AK6: variants seen among roughly 807,000 people sequenced by gnomAD.
AK6 encodes the protein adenylate kinase 6, also known as adenylate kinase isoenzyme 6.
In AK6, 24 loss-of-function variants were observed where a neutral mutation model predicts 23.7. That is an observed-to-expected ratio of 1.01 (90% CI 0.73 to 1.43). The LOEUF (loss-of-function observed/expected upper bound fraction) is 1.43. Among genes scored for constraint, AK6 ranks in the 40% most tolerant of loss-of-function variants. AK6 has a pLI of 0.00. For missense variants in AK6, 191 were observed against 199.1 expected (o/e 0.96, Z 0.24); for synonymous variants, 73 against 69.8 (o/e 1.05, Z -0.23).
At chr5:69,364,882 G>T in intron 2 of AK6, 2 of 1,447,186 alleles carry the variant, frequency 1.4e-6, no homozygotes, top group Non-Finnish European at 1.9e-6. Flanking sequence ...CAGCATGCAT[G>T]TTTAATATCA....
In AK6 at chr5:69,365,369, T is replaced by C. The variant is rs949181151; in HGVS notation, c.121+1134A>G. 3.7e-6 allele frequency: 6 copies of C among 1,614,102 alleles called. No individual in the cohort carries two copies. In the African/African-American group the frequency reaches 6.7e-5, roughly 18 times the overall value. ...AAGATTTCAGCCTATAGTTTGGAGC[T>C]GTTAAGCAGTATCTATCAGGTGGCA... On this transcript the variant is annotated intron_variant, in intron 2 of 4. Coordinates refer to ENST00000380822, the MANE Select transcript of AK6 (RefSeq NM_016283.5).
chr5:69,359,401 T>A (rs182578035), intron 2 of AK6, among the ~76,000 whole-genome samples: 1 of 152,080 alleles, frequency 6.6e-6, no homozygotes, highest in Non-Finnish European at 1.5e-5. Flanking sequence ...CCCGCCACCA[T>A]GCCTGGCTAA....
intron 2 of AK6, chr5:69,365,259 G>A (rs1762370349): frequency 6.2e-7 from 1 of 1,614,028 alleles, no homozygotes; most frequent in Admixed American, 1.7e-5. Context: ...GCCTAGTGTG[G>A]GAGTACTTGG....
At chr5:69,364,423 G>A (rs1051013039) in intron 2 of AK6, among the ~76,000 whole-genome samples, 1 of 152,036 alleles carries the variant, frequency 6.6e-6, no homozygotes, top group East Asian at 1.9e-4. Flanking sequence ...ACAGAAAAAT[G>A]GGACCTAGGA....
Position 69,366,471 on chromosome 5 carries a change from C to T in AK6, c.121+32G>A, listed in dbSNP as rs755634614. ...CACTTACCAGACCTTAAAAAAAAAA[C>T]AAAACAAATCTAACACCAAAGTGTC... On this transcript the variant is annotated intron_variant, in intron 2 of 4. Transcript: ENST00000380822. The T allele has an allele frequency of 3.2e-6, 5 of 1,545,326 alleles. No homozygotes were observed. The South Asian group carries it at 4.5e-5, about 14-fold the overall frequency.
intron 2 of AK6, chr5:69,365,453 A>G: frequency 6.2e-7 from 1 of 1,614,200 alleles, no homozygotes. Context: ...TTTGCCTTGC[A>G]ATATCTAATA....
intron 1 of AK6, 148 bp downstream of exon 1, chr5:69,369,315 G>T: frequency 1.7e-6 from 1 of 596,484 alleles, no homozygotes; most frequent in Non-Finnish European, 2.3e-6. Context: ...CGCGAGGGTC[G>T]GCTCCCGGGG....
chr5:69,354,225 A>C (rs188549324), intron 4 of AK6, among the ~76,000 whole-genome samples: 3 of 152,312 alleles, frequency 2.0e-5, no homozygotes, highest in Admixed American at 6.5e-5. Flanking sequence ...TTTAATCAAA[A>C]TTTTAAATTG....
chr5:69,369,404 A>G (rs2150749665), intron 1 of AK6, 59 bp downstream of exon 1: 1 of 1,592,354 alleles, frequency 6.3e-7, no homozygotes. Context: ...CCCGATGCCC[A>G]GAGCACTCTG....
chr5:69,352,744 C>T (rs905161942), intron 4 of AK6, among the ~76,000 whole-genome samples: 10 of 152,100 alleles, frequency 6.6e-5, no homozygotes, highest in African/African-American at 2.4e-4. Context: ...AAAATATGAA[C>T]AATAACAGCT....
In AK6 at chr5:69,369,229, C is replaced by A. The variant is rs17229747; in HGVS notation, c.28+234G>T. ...CTGGATCTGCCGACCTCTCTCCACC[C>A]CCCCCCGCCCCCCCCCGGAGCCTCA... On this transcript the variant is annotated intron_variant, in intron 1 of 4. Transcript: ENST00000380822. 3.6e-3 allele frequency: 321 copies of A among 89,630 alleles called. 97 individuals are homozygous for A. In the East Asian group the frequency reaches 0.11, roughly 30 times the overall value. 5.6% of individuals were successfully genotyped at this position (89,630 alleles called of 1,614,324 possible).
rs187102572 is a variant in AK6 at position 69,351,981 on chromosome 5, T to C, written c.*80A>G. The C allele has an allele frequency of 2.3e-5, 28 of 1,229,648 alleles. 1 individual carries two copies. In the East Asian group the frequency reaches 6.6e-4, roughly 29 times the overall value. The allele number at this position is 1,229,648 out of a possible 1,614,324, so 76.2% of individuals were successfully genotyped here. On this transcript the variant is annotated 3_prime_UTR_variant, in exon 5 of 5. Coordinates refer to ENST00000380822, the MANE Select transcript of AK6 (RefSeq NM_016283.5). ...GTTCTGCAACATGATTTTAATAAAG[T>C]GTTACTGACACTTGAACAATTTCTA...
intron 2 of AK6, among the ~76,000 whole-genome samples, chr5:69,361,357 G>T (rs1421491246): frequency 6.6e-6 from 1 of 152,036 alleles, no homozygotes; most frequent in Admixed American, 6.6e-5. Context: ...TCCTGACCTC[G>T]TGATCTGCCC....
At chr5:69,369,419 C>A in intron 1 of AK6, 44 bp downstream of exon 1, 7 of 1,602,686 alleles carry the variant, frequency 4.4e-6, no homozygotes, top group Non-Finnish European at 6.0e-6. Flanking sequence ...ACTCTGCGCC[C>A]CCAGCCTGCC....
At chr5:69,365,841 T>A in intron 2 of AK6, 1 of 1,006,362 alleles carries the variant, frequency 9.9e-7, no homozygotes, top group Non-Finnish European at 1.4e-6. Flanking sequence ...AAAAAAATTT[T>A]AAATCTATGT....
At chr5:69,356,033 A>G (rs1352022191) in intron 2 of AK6, 80 bp from the exon 3 acceptor site, 6 of 1,202,750 alleles carry the variant, frequency 5.0e-6, no homozygotes, top group Non-Finnish European at 5.9e-6. Context: ...AGACTTCAGG[A>G]AAGGAAATGT....
chr5:69,353,829 G>A (rs757950185), intron 4 of AK6, among the ~76,000 whole-genome samples: 6 of 152,042 alleles, frequency 3.9e-5, no homozygotes, highest in Non-Finnish European at 8.8e-5. Context: ...GAGTGCAGTG[G>A]TGCAATCACA....
chr5:69,369,009 A>C, intron 1 of AK6: 1 of 174,112 alleles, frequency 5.7e-6, no homozygotes, highest in Non-Finnish European at 1.2e-5. Context: ...ATCAGAAGCA[A>C]AGAAAAAATA....
At chr5:69,369,792 C>G (rs1156459522), upstream of AK6, 1 of 1,377,374 alleles carries the variant, frequency 7.3e-7, no homozygotes, top group East Asian at 2.5e-5. Flanking sequence ...CTTGCGCCGA[C>G]CAGTCTGGAA....
Sources: gnomAD v4.1 joint callset for allele counts (sites outside exome capture counted in the v4.1 genomes callset) on GRCh38, gnomAD v4.1.1 for gene constraint, MANE v1.5 for transcripts, NCBI Gene and HGNC (gene_info 2026-07-23, HGNC 2026-07-21) for gene names.